TBC1D32: variants seen among roughly 807,000 people sequenced by gnomAD.
TBC1D32 encodes the protein TBC1 domain family member 32, also known as protein broad-minded.
In TBC1D32, 151 loss-of-function variants were observed where a neutral mutation model predicts 170.3. The ratio of observed to expected loss-of-function variants is 0.89; its 90% CI spans 0.78 to 1.01. TBC1D32 has a LOEUF of 1.01. TBC1D32 is among the 50% of genes least tolerant of loss of function. TBC1D32 has a pLI of 0.00. For missense variants in TBC1D32, 1,464 were observed against 1,457.1 expected, an observed-to-expected ratio of 1.00 and a Z score of -0.08; for synonymous variants, 498 against 488.0, an observed-to-expected ratio of 1.02 and a Z score of -0.27.
At position 121,226,528 on chromosome 6, in the gene TBC1D32, G is replaced by A. The variant is rs115118653; in HGVS notation, c.2365-3176C>T. Among the ~76,000 whole-genome samples, 1,160 of 152,110 alleles carry A rather than the reference G, an allele frequency of 7.6e-3. 19 individuals are homozygous for A. Among genetic ancestry groups the A allele is most frequent in the African/African-American group, 0.027 (1,112 of 41,496 alleles). On this transcript the variant is annotated intron_variant, in intron 20 of 31. Transcript: ENST00000398212. Reference sequence around the variant, plus strand: ...TGCTCTAAAGAAAAATGGTTTTGGAGGGCAGACAATATAAAGGAGTAAAGA... The same window carrying A: ...TGCTCTAAAGAAAAATGGTTTTGGAAGGCAGACAATATAAAGGAGTAAAGA...
At chr6:121,100,608 G>C (rs1290004631) in intron 30 of TBC1D32, among the ~76,000 whole-genome samples, 10 of 152,022 alleles carry the variant, frequency 6.6e-5, no homozygotes, top group Non-Finnish European at 1.3e-4. Context: ...GAAATTTATA[G>C]CACTAAATGC....
intron 9 of TBC1D32, among the ~76,000 whole-genome samples, chr6:121,302,388 A>T (rs887048977): frequency 6.6e-6 from 1 of 152,166 alleles, no homozygotes; most frequent in Non-Finnish European, 1.5e-5. Context: ...TTATAGGAGG[A>T]TGTAATGAAT....
At chr6:121,298,287 G>C (rs1805955393) in intron 10 of TBC1D32, among the ~76,000 whole-genome samples, 1 of 151,976 alleles carries the variant, frequency 6.6e-6, no homozygotes, top group South Asian at 2.1e-4. Flanking sequence ...AAAATATTAA[G>C]ATGATTTATA....
chr6:121,141,271 G>A (rs961401960), intron 24 of TBC1D32, among the ~76,000 whole-genome samples: 67 of 152,098 alleles, frequency 4.4e-4, no homozygotes, highest in African/African-American at 1.5e-3. Flanking sequence ...TTTAGACTAA[G>A]CTCAAAAGGT....
At chr6:121,255,491 A>G (rs928197602) in intron 16 of TBC1D32, 81 bp from the exon 17 acceptor site, 7 of 287,934 alleles carry the variant, frequency 2.4e-5, no homozygotes, top group Non-Finnish European at 4.2e-5. Flanking sequence ...ATTTATAATT[A>G]TATTTTATAA....
intron 15 of TBC1D32, among the ~76,000 whole-genome samples, chr6:121,258,434 T>C (rs1799325418): frequency 6.9e-6 from 1 of 143,904 alleles, no homozygotes; most frequent in African/African-American, 2.5e-5. Flanking sequence ...CACTTTTTCT[T>C]TTTTTTTTCT....
At chr6:121,124,823 T>G (rs891247221) in intron 26 of TBC1D32, among the ~76,000 whole-genome samples, 7 of 152,298 alleles carry the variant, frequency 4.6e-5, no homozygotes, top group African/African-American at 1.7e-4. Flanking sequence ...TTTATTACAT[T>G]TTTTCATTTT....
chr6:121,183,991 T>C (rs1454418280), intron 22 of TBC1D32, among the ~76,000 whole-genome samples: 1 of 152,052 alleles, frequency 6.6e-6, no homozygotes, highest in East Asian at 1.9e-4. Flanking sequence ...ATCTTAGGTT[T>C]CCTTAAGCTT....
At chr6:121,293,131 T>G (rs1406331229) in intron 11 of TBC1D32, among the ~76,000 whole-genome samples, 1 of 145,508 alleles carries the variant, frequency 6.9e-6, no homozygotes, top group Middle Eastern at 3.6e-3. Context: ...TTTAAAAACA[T>G]GGCAAAAAAA....
intron 3 of TBC1D32, 94 bp downstream of exon 3, chr6:121,317,398 TAAG>T (rs1809077029): frequency 4.2e-6 from 4 of 961,008 alleles, no homozygotes; most frequent in Non-Finnish European, 5.9e-6. Flanking sequence ...TCCTGAATCT[TAAG>T]AAGGCAGGAA....
chr6:121,276,731 A>G (rs989470199), intron 15 of TBC1D32, among the ~76,000 whole-genome samples: 7 of 152,216 alleles, frequency 4.6e-5, no homozygotes, highest in Admixed American at 3.3e-4. Flanking sequence ...CATGCTAACT[A>G]TAATCAAAAG....
chr6:121,128,925 C>T (rs1781138930), intron 25 of TBC1D32, among the ~76,000 whole-genome samples: 1 of 152,126 alleles, frequency 6.6e-6, no homozygotes, highest in Non-Finnish European at 1.5e-5. Context: ...AGGGCTCTGT[C>T]CTCATGAAAG....
chr6:121,131,401 T>C (rs1233058950), intron 25 of TBC1D32, among the ~76,000 whole-genome samples: 1 of 151,736 alleles, frequency 6.6e-6, no homozygotes, highest in East Asian at 1.9e-4. Flanking sequence ...CTAGTTTTGC[T>C]CACCAAGACT....
At chr6:121,107,836 C>A (rs561405593) in intron 29 of TBC1D32, among the ~76,000 whole-genome samples, 71 of 151,924 alleles carry the variant, frequency 4.7e-4, no homozygotes, top group South Asian at 3.9e-3. Context: ...TTAGAAATAC[C>A]TTTAGAGTAG....
At chr6:121,151,712 T>C (rs556786215) in intron 24 of TBC1D32, among the ~76,000 whole-genome samples, 6 of 152,326 alleles carry the variant, frequency 3.9e-5, no homozygotes, top group Non-Finnish European at 5.9e-5. Flanking sequence ...ATATTTAGGA[T>C]AGTTAGCTCT....
intron 22 of TBC1D32, among the ~76,000 whole-genome samples, chr6:121,177,600 T>C (rs915193299): frequency 1.3e-5 from 2 of 152,160 alleles, no homozygotes; most frequent in African/African-American, 2.4e-5. Context: ...CAGGCAACCA[T>C]AGATTGCCTA....
chr6:121,297,974 A>G (rs772358552), intron 10 of TBC1D32, among the ~76,000 whole-genome samples: 6 of 152,048 alleles, frequency 3.9e-5, no homozygotes, highest in African/African-American at 7.2e-5. Flanking sequence ...AAGTTCTTAT[A>G]CAAGAATCTC....
At chr6:121,177,410 G>A (rs964053842) in intron 22 of TBC1D32, among the ~76,000 whole-genome samples, 3 of 152,100 alleles carry the variant, frequency 2.0e-5, no homozygotes, top group Admixed American at 6.6e-5. Flanking sequence ...ATGATTGGAC[G>A]CTTCCTGAGG....
At chr6:121,325,646 C>T (rs1422234426) in intron 1 of TBC1D32, among the ~76,000 whole-genome samples, 1 of 152,112 alleles carries the variant, frequency 6.6e-6, no homozygotes, top group Non-Finnish European at 1.5e-5. Context: ...AAGACTTAAA[C>T]GTAAGACCTA....
Sources: gnomAD v4.1 joint callset for allele counts (sites outside exome capture counted in the v4.1 genomes callset) on GRCh38, gnomAD v4.1.1 for gene constraint, MANE v1.5 for transcripts, NCBI Gene and HGNC (gene_info 2026-07-23, HGNC 2026-07-21) for gene names.